The following RALYL variants were observed in gnomAD, a reference collection of about 807,000 sequenced individuals.
RALYL encodes RALY RNA binding protein like, also known as RNA-binding Raly-like protein.
RALYL carries 29 observed loss-of-function variants against 35.1 expected under a neutral mutation model. The ratio of observed to expected loss-of-function variants is 0.83; its 90% CI spans 0.61 to 1.13. The LOEUF (loss-of-function observed/expected upper bound fraction) is 1.13. RALYL is among the 50% of genes most tolerant of loss of function. The pLI is 0.00. For synonymous variants in RALYL, 120 were observed against 127.6 expected, an observed-to-expected ratio of 0.94 and a Z score of 0.40; for missense variants, 359 against 360.4, an observed-to-expected ratio of 1.00 and a Z score of 0.03.
At chr8:84,287,533 T>G (rs1179523211) in intron 1 of RALYL, among the ~76,000 whole-genome samples, 1 of 152,056 alleles carries the variant, frequency 6.6e-6, no homozygotes, top group African/African-American at 2.4e-5. Flanking sequence ...GCATCTTGTT[T>G]GTTACATGAG....
intron 1 of RALYL, among the ~76,000 whole-genome samples, chr8:84,245,610 G>A (rs1056177877): frequency 7.9e-5 from 12 of 152,100 alleles, no homozygotes; most frequent in Admixed American, 5.2e-4. Context: ...CTGTTTAAGC[G>A]TATGCATATG....
chr8:84,414,152 T>C (rs959516222), intron 1 of RALYL, among the ~76,000 whole-genome samples: 3 of 152,172 alleles, frequency 2.0e-5, no homozygotes, highest in African/African-American at 7.2e-5. Flanking sequence ...TTTAATCCCA[T>C]GTTGATGACA....
At chr8:84,887,524 A>G in intron 7 of RALYL, 80 bp from the exon 8 acceptor site, 2 of 1,296,908 alleles carry the variant, frequency 1.5e-6, no homozygotes, top group Non-Finnish European at 1.1e-6. Context: ...TTACCCTTTC[A>G]TGGACTGTTT....
intron 4 of RALYL, among the ~76,000 whole-genome samples, chr8:84,838,047 C>T (rs1192823789): frequency 2.0e-5 from 3 of 152,122 alleles, no homozygotes; most frequent in African/African-American, 7.2e-5. Flanking sequence ...AAGTTCTTCT[C>T]TTAAAAGCCA....
intron 1 of RALYL, among the ~76,000 whole-genome samples, chr8:84,249,761 C>A (rs987972925): frequency 6.6e-6 from 1 of 151,840 alleles, no homozygotes; most frequent in African/African-American, 2.4e-5. Flanking sequence ...TATTCTACTG[C>A]ACTATACTAC....
At chr8:84,611,595 C>A (rs1259247165) in intron 2 of RALYL, among the ~76,000 whole-genome samples, 4 of 152,070 alleles carry the variant, frequency 2.6e-5, no homozygotes, top group African/African-American at 9.7e-5. Flanking sequence ...ATCATAGTAT[C>A]CCTAACTTAT....
intron 2 of RALYL, among the ~76,000 whole-genome samples, chr8:84,694,165 G>A (rs1353582258): frequency 2.0e-5 from 3 of 151,784 alleles, no homozygotes; most frequent in African/African-American, 7.2e-5. Context: ...GGAAGGAGTT[G>A]AATTTTCTGT....
At chr8:84,302,063 A>C (rs1473112250) in intron 1 of RALYL, among the ~76,000 whole-genome samples, 1 of 152,176 alleles carries the variant, frequency 6.6e-6, no homozygotes, top group African/African-American at 2.4e-5. Flanking sequence ...AGTATTAACC[A>C]ATGCAATAAT....
chr8:84,603,391 T>C (rs553180636), intron 2 of RALYL, among the ~76,000 whole-genome samples: 1 of 152,132 alleles, frequency 6.6e-6, no homozygotes, highest in Non-Finnish European at 1.5e-5. Flanking sequence ...TAAATGTTAC[T>C]CTTCTTTTAA....
chr8:84,784,693 G>C (rs1818958338), intron 3 of RALYL, among the ~76,000 whole-genome samples: 2 of 152,154 alleles, frequency 1.3e-5, no homozygotes, highest in Non-Finnish European at 2.9e-5. Flanking sequence ...TACATAAACT[G>C]TTTGGTGTCT....
intron 2 of RALYL, among the ~76,000 whole-genome samples, chr8:84,701,516 A>G (rs1407628666): frequency 6.6e-6 from 1 of 152,216 alleles, no homozygotes. Flanking sequence ...TATGAAATTC[A>G]ACACGTTTTA....
chr8:84,905,429 T>A (rs974735690), intron 8 of RALYL, among the ~76,000 whole-genome samples: 2 of 152,150 alleles, frequency 1.3e-5, no homozygotes, highest in African/African-American at 4.8e-5. Flanking sequence ...TTTCTTTGGA[T>A]AAACACACAG....
At chr8:84,294,246 T>C (rs1025046757) in intron 1 of RALYL, among the ~76,000 whole-genome samples, 3 of 152,104 alleles carry the variant, frequency 2.0e-5, no homozygotes, top group Admixed American at 1.3e-4. Context: ...GGTGCTGAAG[T>C]AGAAAAAAAT....
At chr8:84,557,101 A>C (rs1029419252) in intron 2 of RALYL, among the ~76,000 whole-genome samples, 5 of 152,180 alleles carry the variant, frequency 3.3e-5, no homozygotes, top group African/African-American at 4.8e-5. Flanking sequence ...TGCATGTGAA[A>C]AGCAGAAAGT....
chr8:84,207,543 C>A (rs978277993), intron 1 of RALYL, among the ~76,000 whole-genome samples: 10 of 151,854 alleles, frequency 6.6e-5, no homozygotes, highest in Non-Finnish European at 1.2e-4. Flanking sequence ...AGAGTAGAAT[C>A]ATGGTTGCTT....
chr8:84,435,180 C>T (rs2047567576), intron 1 of RALYL, among the ~76,000 whole-genome samples: 1 of 152,062 alleles, frequency 6.6e-6, no homozygotes, highest in Admixed American at 6.6e-5. Flanking sequence ...TTCTGTGATT[C>T]TAACACTGTG....
chr8:84,543,753 A>T (rs2060173959), intron 2 of RALYL, among the ~76,000 whole-genome samples: 1 of 152,038 alleles, frequency 6.6e-6, no homozygotes, highest in Admixed American at 6.6e-5. Flanking sequence ...TTCTGATATG[A>T]CAAAATGTTT....
Position 84,611,452 on chromosome 8 carries a change from T to C in RALYL, c.256+81875T>C, listed in dbSNP as rs1384846376. Among the ~76,000 whole-genome samples the C allele has an allele frequency of 2.0e-5, 3 of 152,118 alleles. No homozygotes were observed. The East Asian group carries it at 5.8e-4, about 29-fold the overall frequency. On this transcript the variant is annotated intron_variant, in intron 2 of 8. Coordinates refer to ENST00000521268, the MANE Select transcript of RALYL (RefSeq NM_173848.7). Reference sequence around the variant, plus strand: ...GGGCAAGAATTAATCAGCCACTCTATTCACAGCTCTGATAACCATTATAAT... The same window carrying C: ...GGGCAAGAATTAATCAGCCACTCTACTCACAGCTCTGATAACCATTATAAT...
At chr8:84,315,678 TTGAAGTAC>T (rs1843626307) in intron 1 of RALYL, among the ~76,000 whole-genome samples, 1 of 152,098 alleles carries the variant, frequency 6.6e-6, no homozygotes, top group Admixed American at 6.6e-5. Context: ...ATTTTATATA[TTGAAGTAC>T]AATGAGAATT....
Sources: allele counts gnomAD v4.1 joint callset (sites outside exome capture counted in the v4.1 genomes callset), GRCh38; gene constraint gnomAD v4.1.1; transcripts MANE v1.5; gene names NCBI Gene and HGNC (gene_info 2026-07-23, HGNC 2026-07-21).